Variants in L3MBTL4 observed in about 807,000 individuals in gnomAD.
L3MBTL4 encodes the protein lethal(3)malignant brain tumor-like protein 4.
In L3MBTL4, 70 loss-of-function variants were observed where a neutral mutation model predicts 84.5. The ratio of observed to expected loss-of-function variants is 0.83; its 90% CI spans 0.68 to 1.01. The LOEUF (loss-of-function observed/expected upper bound fraction) is 1.01, where lower values mean the gene tolerates loss of function less well. Among genes scored for constraint, L3MBTL4 ranks in the 50% least tolerant of loss-of-function variants. The probability of loss-of-function intolerance (pLI) is 0.00; values close to 1 mark genes in which losing one functional copy is unlikely to be tolerated. For missense variants in L3MBTL4, 715 were observed against 754.8 expected, an observed-to-expected ratio of 0.95 and a Z score of 0.62; for synonymous variants, 274 against 259.8, an observed-to-expected ratio of 1.05 and a Z score of -0.52.
In L3MBTL4 at chr18:6,215,784, T is replaced by G. The variant is rs2046299760; in HGVS notation, c.836A>C (p.Gln279Pro). Residue 279 changes from glutamine to proline, a missense_variant, in exon 11 of 19, where the codon CAA (glutamine) becomes CCA (proline). By Grantham distance (76) the Gln-to-Pro change is moderately conservative. Coordinates refer to ENST00000317931, the MANE Select transcript of L3MBTL4 (RefSeq NM_001330559.2). ...AACTTTGGCAGGAACTGCATTGGTT[T>G]GAGTAGCTTCCAGGTATTCTGTCCA... ...FSWTEYLEAT[Q>P]TNAVPAKVFK... 1 of 1,608,638 alleles carries G rather than the reference T, an allele frequency of 6.2e-7. No homozygotes were observed. Among genetic ancestry groups the G allele is most frequent in the Non-Finnish European group, 8.5e-7 (1 of 1,177,648 alleles).
rs183074229 is a variant in L3MBTL4 at position 6,120,947 on chromosome 18, T to A, written c.1199+17247A>T. ...AAACATTCTGGTGCATGTCTTTTGG[T>A]GAGCTGACGCACGTACTTCTTGGAC... On this transcript the variant is annotated intron_variant, in intron 14 of 18. Coordinates refer to ENST00000317931, the MANE Select transcript of L3MBTL4 (RefSeq NM_001330559.2). Among the ~76,000 whole-genome samples, 37 of 152,306 alleles carry A rather than the reference T, an allele frequency of 2.4e-4. 1 individual carries two copies. Among genetic ancestry groups the A allele is most frequent in the Admixed American group, 2.3e-3 (35 of 15,298 alleles).
chr18:6,351,849 C>A (rs1449241526), intron 1 of L3MBTL4, among the ~76,000 whole-genome samples: 1 of 152,040 alleles, frequency 6.6e-6, no homozygotes, highest in Admixed American at 6.6e-5. Flanking sequence ...CCGCGCCCAG[C>A]CTAAATGTTG....
chr18:6,213,257 C>T lies in L3MBTL4; in HGVS notation c.873G>A (p.Arg291=). ...TATTTGGCAGAAAACCATGAGGCAACCTCTGTAAATGTTATTATAAGTACA... is the reference window on the plus strand; with the variant it reads ...TATTTGGCAGAAAACCATGAGGCAATCTCTGTAAATGTTATTATAAGTACA... ...NAVPAKVFKM[R]LPHGFLPNMK... Residue 291 remains arginine (R), a splice_region_variant and synonymous_variant, in exon 12 of 19, where the codon AGG becomes AGA. Transcript: ENST00000317931. The T allele has an allele frequency of 1.3e-6, 2 of 1,575,914 alleles. No homozygotes were observed. Among genetic ancestry groups the T allele is most frequent in the Non-Finnish European group, 1.7e-6 (2 of 1,152,538 alleles).
intron 10 of L3MBTL4, among the ~76,000 whole-genome samples, chr18:6,216,860 T>C (rs1053759124): frequency 6.6e-6 from 1 of 152,184 alleles, no homozygotes; most frequent in Non-Finnish European, 1.5e-5. Context: ...TACATAATAG[T>C]TTCAGAATGT....
intron 16 of L3MBTL4, among the ~76,000 whole-genome samples, chr18:6,024,069 G>T (rs1331881880): frequency 6.6e-6 from 1 of 152,054 alleles, no homozygotes; most frequent in African/African-American, 2.4e-5. Flanking sequence ...TAGACACCGG[G>T]TTTCACCATG....
chr18:5,966,416 G>A (rs1026541541), intron 17 of L3MBTL4, among the ~76,000 whole-genome samples: 1 of 152,094 alleles, frequency 6.6e-6, no homozygotes, highest in African/African-American at 2.4e-5. Flanking sequence ...CTGCTGCACC[G>A]CACACTCTGG....
chr18:6,286,594 C>A (rs916853500), intron 4 of L3MBTL4, among the ~76,000 whole-genome samples: 3 of 152,190 alleles, frequency 2.0e-5, no homozygotes, highest in African/African-American at 7.2e-5. Flanking sequence ...CTGCAATTCT[C>A]GCTTCCCAAA....
At chr18:6,312,229 G>C (rs1426480309) in intron 1 of L3MBTL4, among the ~76,000 whole-genome samples, 173 bp from the exon 2 acceptor site, 1 of 152,134 alleles carries the variant, frequency 6.6e-6, no homozygotes, top group African/African-American at 2.4e-5. Flanking sequence ...AGTTCCGCTG[G>C]AGCTATAATT....
rs553376861 is a variant in L3MBTL4 at position 6,076,117 on chromosome 18, T to C, written c.1444+4764A>G. Among the ~76,000 whole-genome samples the C allele has an allele frequency of 2.0e-5, 3 of 152,300 alleles. No individual in the cohort carries two copies. The South Asian group carries it at 6.2e-4, about 32-fold the overall frequency. ...GAAATTGAATTTCTGCAAACCCAATTGCCCAGAAATTCCACTCATAGATAT... is the reference window on the plus strand; with the variant it reads ...GAAATTGAATTTCTGCAAACCCAATCGCCCAGAAATTCCACTCATAGATAT... On this transcript the variant is annotated intron_variant, in intron 16 of 18. Transcript: ENST00000317931.
chr18:6,250,338 C>T (rs1380098907), intron 5 of L3MBTL4, among the ~76,000 whole-genome samples: 1 of 152,096 alleles, frequency 6.6e-6, no homozygotes, highest in Admixed American at 6.5e-5. Context: ...AAACTGAAGA[C>T]AAGCTACTGG....
At chr18:6,246,185 G>C (rs2047657061) in intron 5 of L3MBTL4, among the ~76,000 whole-genome samples, 1 of 151,996 alleles carries the variant, frequency 6.6e-6, no homozygotes, top group Admixed American at 6.6e-5. Flanking sequence ...TTTCTATTTA[G>C]AAAGCAATCA....
At chr18:6,403,137 G>T (rs927425825) in intron 1 of L3MBTL4, among the ~76,000 whole-genome samples, 1 of 152,178 alleles carries the variant, frequency 6.6e-6, no homozygotes, top group Non-Finnish European at 1.5e-5. Flanking sequence ...TGCACAGCTG[G>T]AGCAACCCAC....
chr18:6,211,161 C>T (rs149105781), intron 12 of L3MBTL4, among the ~76,000 whole-genome samples: 32 of 152,282 alleles, frequency 2.1e-4, no homozygotes, highest in African/African-American at 6.5e-4. Flanking sequence ...TGTCCGAGGG[C>T]ATTTTCCAAT....
chr18:6,389,256 G>T (rs901611770), intron 1 of L3MBTL4, among the ~76,000 whole-genome samples: 2 of 152,168 alleles, frequency 1.3e-5, no homozygotes, highest in African/African-American at 4.8e-5. Flanking sequence ...GAGGGAATTC[G>T]TCACTACCAG....
chr18:6,295,133 A>T (rs1168702178), intron 4 of L3MBTL4, among the ~76,000 whole-genome samples: 1 of 151,878 alleles, frequency 6.6e-6, no homozygotes, highest in East Asian at 1.9e-4. Context: ...TTATCTGGGC[A>T]TGGTGGCGGG....
At chr18:6,147,157 G>T (rs1223650990) in intron 13 of L3MBTL4, among the ~76,000 whole-genome samples, 2 of 152,106 alleles carry the variant, frequency 1.3e-5, no homozygotes, top group Non-Finnish European at 2.9e-5. Flanking sequence ...AAATGTTTAG[G>T]TTAGTATCTT....
chr18:6,003,120 A>T (rs1441535040), intron 16 of L3MBTL4, among the ~76,000 whole-genome samples: 2 of 102,802 alleles, frequency 1.9e-5, no homozygotes, highest in African/African-American at 3.8e-5. Flanking sequence ...GATACTATAT[A>T]AAATATAGTA....
chr18:6,227,076 C>A (rs1332656257), intron 10 of L3MBTL4, among the ~76,000 whole-genome samples: 1 of 152,006 alleles, frequency 6.6e-6, no homozygotes, highest in East Asian at 1.9e-4. Flanking sequence ...ATAAAGGGGA[C>A]AATTCTTTAA....
intron 16 of L3MBTL4, among the ~76,000 whole-genome samples, chr18:5,972,583 C>T (rs1321624278): frequency 6.6e-6 from 1 of 152,126 alleles, no homozygotes; most frequent in Non-Finnish European, 1.5e-5. Flanking sequence ...TAACACAACG[C>T]AAGACTAATT....
Sources: gnomAD v4.1 joint callset for allele counts (sites outside exome capture counted in the v4.1 genomes callset) on GRCh38, gnomAD v4.1.1 for gene constraint, MANE v1.5 for transcripts, NCBI Gene and HGNC (gene_info 2026-07-23, HGNC 2026-07-21) for gene names.